UBR1: variants seen among roughly 807,000 people sequenced by gnomAD.
The protein encoded by UBR1 is ubiquitin protein ligase E3 component n-recognin 1.
UBR1 carries 102 observed loss-of-function variants against 242.1 expected under a neutral mutation model. The ratio of observed to expected loss-of-function variants is 0.42; its 90% CI spans 0.36 to 0.50. The LOEUF is 0.50. Among genes scored for constraint, UBR1 ranks in the 20% least tolerant of loss-of-function variants. The probability of loss-of-function intolerance (pLI) is 0.01; values close to 1 mark genes in which losing one functional copy is unlikely to be tolerated. For synonymous variants in UBR1, 675 were observed against 684.8 expected (o/e 0.99, Z 0.22); for missense variants, 1,772 against 2,101.8 (o/e 0.84, Z 3.07).
chr15:43,043,490 G>A, intron 14 of UBR1, 95 bp from the exon 15 acceptor site: 1 of 1,149,902 alleles, frequency 8.7e-7, no homozygotes, highest in Non-Finnish European at 1.3e-6. Flanking sequence ...GGCCTAGGCT[G>A]GAGTACAGTG....
At chr15:42,965,837 C>A (rs1328025882) in intron 41 of UBR1, among the ~76,000 whole-genome samples, 1 of 152,204 alleles carries the variant, frequency 6.6e-6, no homozygotes, top group Non-Finnish European at 1.5e-5. Context: ...CAATTCTCTT[C>A]TCTAAAGACA....
intron 1 of UBR1, among the ~76,000 whole-genome samples, chr15:43,105,390 T>C (rs552433037): frequency 6.6e-6 from 1 of 152,334 alleles, no homozygotes; most frequent in East Asian, 1.9e-4. Context: ...TGGGAGTCCT[T>C]TCTTCACCTT....
At chr15:43,085,920 C>CAAAAA (rs77056940) in intron 2 of UBR1, 64 bp downstream of exon 2, 4 of 1,247,802 alleles carry the variant, frequency 3.2e-6, no homozygotes, top group Admixed American at 3.1e-5. Flanking sequence ...GACTCTGTTT[C>CAAAAA]AAAAAAAAAA....
chr15:43,059,563 T>C (rs2033657518), intron 8 of UBR1, 139 bp downstream of exon 8: 1 of 1,042,038 alleles, frequency 9.6e-7, no homozygotes, highest in Admixed American at 2.9e-5. Flanking sequence ...AATGCAACCC[T>C]GAAAATTAAT....
At chr15:42,947,669 G>A (rs1342414157) in intron 46 of UBR1, among the ~76,000 whole-genome samples, 1 of 152,130 alleles carries the variant, frequency 6.6e-6, no homozygotes, top group East Asian at 1.9e-4. Context: ...AATCATGAGT[G>A]AACTTCCATT....
intron 27 of UBR1, among the ~76,000 whole-genome samples, chr15:43,018,544 T>C (rs1033541983): frequency 2.0e-5 from 3 of 152,070 alleles, no homozygotes; most frequent in Non-Finnish European, 2.9e-5. Flanking sequence ...CACACCACCA[T>C]ACCCTTGACT....
intron 5 of UBR1, 53 bp from the exon 6 acceptor site, chr15:43,068,089 T>TAAAAAAAAAAAAAAAAAAA: frequency 3.8e-6 from 3 of 787,320 alleles, no homozygotes; most frequent in South Asian, 2.1e-5. Context: ...AAAGGAAAAG[T>TAAAAAAAAAAAAAAAAAAA]AAAAAAAAAA....
chr15:43,077,822 T>C (rs1363269330), intron 3 of UBR1, among the ~76,000 whole-genome samples: 1 of 152,074 alleles, frequency 6.6e-6, no homozygotes, highest in African/African-American at 2.4e-5. Context: ...AAAAAAATTA[T>C]CCAAAATATA....
At position 43,026,545 on chromosome 15, in the gene UBR1, G is replaced by A; in HGVS notation, c.2535+16C>T. 1 of 1,605,070 alleles carries A rather than the reference G, an allele frequency of 6.2e-7. No individual in the cohort carries two copies. Among genetic ancestry groups the A allele is most frequent in the South Asian group, 1.1e-5 (1 of 90,842 alleles). On this transcript the variant is annotated intron_variant, in intron 23 of 46. Transcript: ENST00000290650. ...AGCATTTAGGTTTATTTACTGAAAA[G>A]GATACTTTTTTCTACCTTGCTATGC...
intron 42 of UBR1, among the ~76,000 whole-genome samples, chr15:42,961,110 CCCT>C (rs1403104612): frequency 1.3e-5 from 2 of 149,860 alleles, no homozygotes; most frequent in Non-Finnish European, 3.0e-5. Flanking sequence ...TCTATGTTCC[CCCT>C]TTTTTTTTTT....
intron 5 of UBR1, 53 bp from the exon 6 acceptor site, chr15:43,068,089 T>TAAAAAAAAAAAAA: frequency 2.5e-6 from 2 of 787,318 alleles, no homozygotes; most frequent in East Asian, 3.9e-5. Context: ...AAAGGAAAAG[T>TAAAAAAAAAAAAA]AAAAAAAAAA....
intron 43 of UBR1, among the ~76,000 whole-genome samples, chr15:42,958,923 T>C (rs1037517497): frequency 3.3e-5 from 5 of 152,188 alleles, no homozygotes; most frequent in Non-Finnish European, 5.9e-5. Context: ...GTCCGCGTCC[T>C]GGGTTCAAGC....
At chr15:43,089,607 A>AT (rs1258401542) in intron 1 of UBR1, among the ~76,000 whole-genome samples, 1 of 151,982 alleles carries the variant, frequency 6.6e-6, no homozygotes, top group Non-Finnish European at 1.5e-5. Flanking sequence ...TTATTGTATT[A>AT]TTTTTTTTCT....
Position 43,070,905 on chromosome 15 carries a change from A to G in UBR1, c.549T>C (p.Asn183=). Residue 183 remains asparagine, a synonymous_variant, in exon 5 of 47, where the codon AAT becomes AAC. Coordinates refer to ENST00000290650, the MANE Select transcript of UBR1 (RefSeq NM_174916.3). ...TIKENSRCPL[N]EEVIVQARKI... ...TCCTGGCTTGGACAATTACCTCTTCATTCAACGGACAGCGTGAATTCTATA... is the reference window on the plus strand; with the variant it reads ...TCCTGGCTTGGACAATTACCTCTTCGTTCAACGGACAGCGTGAATTCTATA... 6.2e-7 allele frequency: 1 copy of G among 1,613,626 alleles called. No homozygotes were observed.
At chr15:43,029,235 G>GA (rs756180843) in intron 21 of UBR1, among the ~76,000 whole-genome samples, 25 of 152,096 alleles carry the variant, frequency 1.6e-4, no homozygotes, top group Non-Finnish European at 2.4e-4. Context: ...ATCTCAGAGG[G>GA]AAAAAACATG....
In UBR1 at chr15:43,037,439, C is replaced by G. The variant is rs545329334; in HGVS notation, c.2022+334G>C. On this transcript the variant is annotated intron_variant, in intron 17 of 46. Transcript: ENST00000290650. ...AATAGAAGAAAAAATTACAAGGTGGCCTTCAATTAAGACAGATGGTGGAAA... is the reference window on the plus strand; with the variant it reads ...AATAGAAGAAAAAATTACAAGGTGGGCTTCAATTAAGACAGATGGTGGAAA... Among the ~76,000 whole-genome samples, 6 of 151,782 alleles carry G rather than the reference C, an allele frequency of 4.0e-5. No individual in the cohort carries two copies. In the East Asian group the frequency reaches 9.7e-4, roughly 24 times the overall value.
intron 1 of UBR1, among the ~76,000 whole-genome samples, chr15:43,088,293 AT>A (rs2034063417): frequency 6.6e-6 from 1 of 152,200 alleles, no homozygotes; most frequent in Non-Finnish European, 1.5e-5. Context: ...GCACTATAAC[AT>A]CACTTGTAAC....
chr15:43,046,526 G>A (rs1300442771), intron 14 of UBR1, among the ~76,000 whole-genome samples: 1 of 152,170 alleles, frequency 6.6e-6, no homozygotes, highest in Non-Finnish European at 1.5e-5. Flanking sequence ...CCTAGGTAGA[G>A]TCATTAGACT....
At chr15:43,001,879 T>C (rs906573449) in intron 32 of UBR1, among the ~76,000 whole-genome samples, 2 of 152,160 alleles carry the variant, frequency 1.3e-5, no homozygotes, top group South Asian at 2.1e-4. Flanking sequence ...TTAAAAATAA[T>C]ACAAAGATCA....
Sources: gnomAD v4.1 joint callset for allele counts (sites outside exome capture counted in the v4.1 genomes callset) on GRCh38, gnomAD v4.1.1 for gene constraint, MANE v1.5 for transcripts, NCBI Gene and HGNC (gene_info 2026-07-23, HGNC 2026-07-21) for gene names.